ENTHD1: variants seen among roughly 807,000 people sequenced by gnomAD.
ENTHD1 encodes ENTH domain-containing protein 1.
ENTHD1 carries 23 observed loss-of-function variants against 39.1 expected under a neutral mutation model. The observed-to-expected ratio is 0.59, with a 90% CI of 0.42 to 0.83. The LOEUF is 0.83. ENTHD1 is among the 40% of genes least tolerant of loss of function. ENTHD1 has a pLI of 0.00. For missense variants in ENTHD1, 624 were observed against 705.4 expected (o/e 0.88, Z 1.31); for synonymous variants, 230 against 258.2 (o/e 0.89, Z 1.05).
chr22:39,831,757 C>T (rs1487377114), intron 4 of ENTHD1, among the ~76,000 whole-genome samples: 6 of 151,586 alleles, frequency 4.0e-5, no homozygotes, highest in Admixed American at 1.3e-4. Flanking sequence ...ACCCCAGAGG[C>T]GGAGGTTGCA....
rs550793670 is a variant in ENTHD1 at position 39,758,420 on chromosome 22, T to TTTTA, written c.1219+6799_1219+6802dup. 7.5e-3 allele frequency among the ~76,000 whole-genome samples: 1,140 copies of TTTTA among 152,120 alleles called. 5 individuals are homozygous for TTTTA. The highest frequency in any genetic ancestry group is 0.026 in the African/African-American group (1,078 of 41,488). On this transcript the variant is annotated intron_variant, in intron 6 of 6. Transcript: ENST00000325157. ...ACATATTAGGGCTTTTTAAAAAACA[T>TTTTA]TTTATTTATTTATTTATTTTGGAGA...
intron 5 of ENTHD1, among the ~76,000 whole-genome samples, chr22:39,816,761 C>G (rs2065736657): frequency 6.6e-6 from 1 of 151,702 alleles, no homozygotes; most frequent in Admixed American, 6.6e-5. Context: ...AACTAAAAGC[C>G]ATGAAGAAAA....
At chr22:39,814,305 A>T (rs1441698978) in intron 5 of ENTHD1, among the ~76,000 whole-genome samples, 2 of 151,680 alleles carry the variant, frequency 1.3e-5, no homozygotes, top group Non-Finnish European at 2.9e-5. Context: ...CAAAAAAAAA[A>T]AAAAAATAAC....
intron 4 of ENTHD1, among the ~76,000 whole-genome samples, chr22:39,831,333 G>A (rs1027866437): frequency 2.6e-5 from 4 of 152,184 alleles, no homozygotes; most frequent in Admixed American, 2.0e-4. Context: ...CTGCCAGTAA[G>A]TCCTGAATGT....
intron 4 of ENTHD1, among the ~76,000 whole-genome samples, chr22:39,831,876 T>C (rs977252535): frequency 1.2e-4 from 19 of 152,036 alleles, no homozygotes; most frequent in African/African-American, 4.6e-4. Context: ...TAAAACTGAG[T>C]ACACGTAGTC....
intron 5 of ENTHD1, among the ~76,000 whole-genome samples, chr22:39,814,092 G>A (rs956912370): frequency 9.9e-5 from 15 of 151,930 alleles, no homozygotes; most frequent in African/African-American, 1.5e-4. Flanking sequence ...TCACTTCTCC[G>A]AATTGACTTA....
At chr22:39,880,793 T>G (rs370246396) in intron 2 of ENTHD1, among the ~76,000 whole-genome samples, 2 of 152,224 alleles carry the variant, frequency 1.3e-5, no homozygotes, top group Non-Finnish European at 2.9e-5. Context: ...GCTGGAAACA[T>G]GACACATGCT....
intron 5 of ENTHD1, among the ~76,000 whole-genome samples, chr22:39,812,684 G>A (rs1315563684): frequency 9.2e-5 from 14 of 152,212 alleles, no homozygotes; most frequent in Admixed American, 8.5e-4. Context: ...CAGATGCGGA[G>A]CATCCAGAAT....
In ENTHD1 at chr22:39,867,201, C is replaced by A. The variant is rs1483620811; in HGVS notation, c.350-5194G>T. Among the ~76,000 whole-genome samples, 1 of 152,176 alleles carries A rather than the reference C, an allele frequency of 6.6e-6. No individual in the cohort carries two copies. Among genetic ancestry groups the A allele is most frequent in the Non-Finnish European group, 1.5e-5 (1 of 68,036 alleles). The stretch of plus-strand genomic sequence containing the variant: ...TACAGGCGTGAGCCACCGCGCCCGG[C>A]CCGAGAAATCTATATACATTTACAG... On this transcript the variant is annotated intron_variant, in intron 2 of 6. Transcript: ENST00000325157. The surrounding 1 kb of genome is among the most constrained non-coding windows in gnomAD (Gnocchi z 4.5).
chr22:39,778,205 T>G (rs2065380343), intron 5 of ENTHD1, among the ~76,000 whole-genome samples: 1 of 151,994 alleles, frequency 6.6e-6, no homozygotes, highest in Non-Finnish European at 1.5e-5. Context: ...TTACAGGGAG[T>G]TCCTGCCATG....
chr22:39,781,391 G>A (rs1478467091), intron 5 of ENTHD1, among the ~76,000 whole-genome samples: 3 of 152,096 alleles, frequency 2.0e-5, no homozygotes, highest in African/African-American at 7.2e-5. Context: ...GAAATTAAAC[G>A]ACATGCTCCG....
At chr22:39,830,413 G>A (rs1259342826) in intron 4 of ENTHD1, among the ~76,000 whole-genome samples, 1 of 152,008 alleles carries the variant, frequency 6.6e-6, no homozygotes, top group Admixed American at 6.6e-5. Flanking sequence ...GAGCTATTAC[G>A]AAATTAAAGA....
intron 5 of ENTHD1, among the ~76,000 whole-genome samples, chr22:39,811,089 G>T (rs1287707063): frequency 1.3e-5 from 2 of 152,246 alleles, no homozygotes; most frequent in South Asian, 4.1e-4. Context: ...TCCTGGGAAA[G>T]TTCAAGGGAA....
chr22:39,776,141 C>T (rs2065363919), intron 5 of ENTHD1, among the ~76,000 whole-genome samples: 1 of 152,164 alleles, frequency 6.6e-6, no homozygotes, highest in Non-Finnish European at 1.5e-5. Flanking sequence ...GATCTACCTG[C>T]CTCAGCCTTC....
At chr22:39,842,096 C>T (rs199614832) in intron 3 of ENTHD1, among the ~76,000 whole-genome samples, 35 of 151,548 alleles carry the variant, frequency 2.3e-4, no homozygotes, top group East Asian at 1.2e-3. Flanking sequence ...GGGTTTCTGC[C>T]GAGAGATCTG....
intron 4 of ENTHD1, among the ~76,000 whole-genome samples, chr22:39,822,333 CAGAA>C (rs2065789878): frequency 6.6e-6 from 1 of 152,114 alleles, no homozygotes; most frequent in African/African-American, 2.4e-5. Flanking sequence ...TTCCTGCACC[CAGAA>C]AGTTTCCTCA....
intron 6 of ENTHD1, among the ~76,000 whole-genome samples, chr22:39,745,900 C>T (rs943925049): frequency 1.3e-5 from 2 of 152,078 alleles, no homozygotes; most frequent in South Asian, 4.1e-4. Context: ...TGGAGCCATT[C>T]GAATTCTTAT....
chr22:39,794,633 T>A (rs2065532346), intron 5 of ENTHD1, among the ~76,000 whole-genome samples: 1 of 151,906 alleles, frequency 6.6e-6, no homozygotes, highest in Admixed American at 6.6e-5. Flanking sequence ...AAACCCCGTC[T>A]CTACTAAAAA....
At chr22:39,765,733 C>T (rs979790157) in intron 5 of ENTHD1, 124 bp from the exon 6 acceptor site, 3 of 977,166 alleles carry the variant, frequency 3.1e-6, no homozygotes, top group African/African-American at 3.3e-5. Flanking sequence ...CCTATTTAGC[C>T]CTCTGCTTTC....
Sources: gnomAD v4.1 joint callset for allele counts (sites outside exome capture counted in the v4.1 genomes callset) on GRCh38, gnomAD v4.1.1 for gene constraint, Gnocchi (gnomAD v3.1) non-coding constraint, MANE v1.5 for transcripts, NCBI Gene and HGNC (gene_info 2026-07-23, HGNC 2026-07-21) for gene names.